The following BCR variants were observed in gnomAD, a reference collection of about 807,000 sequenced individuals.
The protein encoded by BCR is BCR activator of RhoGEF and GTPase.
A neutral mutation model predicts 138.6 loss-of-function variants in BCR; 58 were observed. The ratio of observed to expected loss-of-function variants is 0.42; its 90% CI spans 0.34 to 0.52. The LOEUF (loss-of-function observed/expected upper bound fraction) is 0.52. BCR is among the 20% of genes least tolerant of loss of function. The pLI, the probability that BCR is intolerant of heterozygous loss-of-function variation, is 0.06. For synonymous variants in BCR, 786 were observed against 730.1 expected (o/e 1.08, Z -1.23); for missense variants, 1,599 against 1,727.2 (o/e 0.93, Z 1.32).
intron 1 of BCR, among the ~76,000 whole-genome samples, chr22:23,247,870 A>G (rs2073173271): frequency 6.6e-6 from 1 of 152,210 alleles, no homozygotes; most frequent in Non-Finnish European, 1.5e-5. Context: ...AGGTTCATCC[A>G]TGAGATTGCA....
chr22:23,196,450 AG>A (rs2072483074), intron 1 of BCR, among the ~76,000 whole-genome samples: 1 of 152,112 alleles, frequency 6.6e-6, no homozygotes, highest in Non-Finnish European at 1.5e-5. Context: ...GAGGTTGTGG[AG>A]GGGAGGGTAT....
At chr22:23,247,757 C>T (rs1039441510) in intron 1 of BCR, among the ~76,000 whole-genome samples, 5 of 152,200 alleles carry the variant, frequency 3.3e-5, no homozygotes, top group African/African-American at 1.2e-4. Flanking sequence ...ACCGTTCCAC[C>T]TTCTGTCTCT....
At chr22:23,270,301 G>A (rs1356071082) in intron 5 of BCR, among the ~76,000 whole-genome samples, 1 of 152,134 alleles carries the variant, frequency 6.6e-6, no homozygotes, top group South Asian at 2.1e-4. Flanking sequence ...TCTCCAGACG[G>A]TAGGAATAGG....
intron 16 of BCR, chr22:23,307,681 C>T (rs131696): frequency 0.46 from 67,455 of 146,914 alleles, 13,602 homozygotes; most frequent in East Asian, 0.67. Context: ...GGAGACGTCC[C>T]GCCGCCCTTT....
rs201526307 is a variant in BCR at position 23,253,980 on chromosome 22, G to T, written c.1461G>T (p.Ala487=). The change falls in exon 2 of 23, where the codon GCG becomes GCT. Residue 487 remains alanine (A), a splice_region_variant and synonymous_variant. Transcript: ENST00000305877. ...CGGGAGCCCTGGAGTCCACTAAAGC[G>T]GTGAGTCCCCATGGTGTACGTGTGG... ...LVSGALESTK[A]SELDLEKGLE... 3 of 1,610,668 alleles carry T rather than the reference G, an allele frequency of 1.9e-6. No individual in the cohort carries two copies. The highest frequency in any genetic ancestry group is 2.2e-5 in the East Asian group (1 of 44,846).
At chr22:23,185,111 G>A (rs1159757079) in intron 1 of BCR, among the ~76,000 whole-genome samples, 1 of 152,150 alleles carries the variant, frequency 6.6e-6, no homozygotes, top group African/African-American at 2.4e-5. Flanking sequence ...CCCCTCATGG[G>A]CTCATCTGTC....
At chr22:23,277,711 AG>A (rs2073594972) in intron 8 of BCR, among the ~76,000 whole-genome samples, 1 of 152,208 alleles carries the variant, frequency 6.6e-6, no homozygotes, top group Non-Finnish European at 1.5e-5. Flanking sequence ...GGAGAGGCCC[AG>A]GTATGAGCCC....
rs556284103 is a variant in BCR at position 23,270,450 on chromosome 22, G to A, written c.1861-1082G>A. ...CATCACACTGTCCACGGACACGTGGGCCGCCTCCCAGGCTCTTGTGAGCCC... is the reference window on the plus strand; with the variant it reads ...CATCACACTGTCCACGGACACGTGGACCGCCTCCCAGGCTCTTGTGAGCCC... On this transcript the variant is annotated intron_variant, in intron 5 of 22. Transcript: ENST00000305877. 1.8e-4 allele frequency among the ~76,000 whole-genome samples: 28 copies of A among 152,314 alleles called. No homozygotes were observed. The South Asian group carries it at 5.6e-3, about 30-fold the overall frequency.
In BCR at chr22:23,180,523, G is replaced by C. The variant is rs1237569892; in HGVS notation, c.-438G>C. On this transcript the variant is annotated 5_prime_UTR_variant, in exon 1 of 23. Coordinates refer to ENST00000305877, the MANE Select transcript of BCR (RefSeq NM_004327.4). ...CTTCCTGCGGCGCAGAGTGCGGGCC[G>C]GGCGGGAGTGCGGCGAGAGCCGGCT... 4 of 180,780 alleles carry C rather than the reference G, an allele frequency of 2.2e-5. No individual in the cohort carries two copies. Among genetic ancestry groups the C allele is most frequent in the Non-Finnish European group, 4.5e-5 (4 of 89,332 alleles). The allele number at this position is 180,780 out of a possible 1,614,324, so 11.2% of individuals were successfully genotyped here.
Position 23,270,587 on chromosome 22 carries a change from CAGGAA to C in BCR, c.1861-941_1861-937del, listed in dbSNP as rs763749934. 3.3e-5 allele frequency among the ~76,000 whole-genome samples: 5 copies of C among 152,332 alleles called. No homozygotes were observed. In the East Asian group the frequency reaches 9.7e-4, roughly 29 times the overall value. On this transcript the variant is annotated intron_variant, in intron 5 of 22. Coordinates refer to ENST00000305877, the MANE Select transcript of BCR (RefSeq NM_004327.4). ...GTCACTGCGAGGGCTGTTAAACTCTCAGGAAAGGTACCAAAGTGCATGGCAGCGTT... is the reference window on the plus strand; with the variant it reads ...GTCACTGCGAGGGCTGTTAAACTCTCAGGTACCAAAGTGCATGGCAGCGTT...
intron 16 of BCR, among the ~76,000 whole-genome samples, chr22:23,300,911 A>T (rs2073895849): frequency 6.6e-6 from 1 of 152,264 alleles, no homozygotes; most frequent in South Asian, 2.1e-4. Flanking sequence ...GCCCAGCAAG[A>T]CACATAAATA....
chr22:23,216,316 C>T (rs182854657), intron 1 of BCR, among the ~76,000 whole-genome samples: 8 of 152,336 alleles, frequency 5.3e-5, no homozygotes, highest in South Asian at 2.1e-4. Flanking sequence ...TAACCTCAGA[C>T]GCAGTAATTC....
chr22:23,263,747 A>G (rs888735206), intron 4 of BCR: 8 of 1,433,044 alleles, frequency 5.6e-6, no homozygotes, highest in Non-Finnish European at 7.9e-6. Context: ...GTGGATTGCA[A>G]AGGGGGCATC....
Position 23,268,519 on chromosome 22 carries a change from A to G in BCR, c.1860+4A>G. The G allele has an allele frequency of 6.2e-7, 1 of 1,610,898 alleles. No homozygotes were observed. Among genetic ancestry groups the G allele is most frequent in the Non-Finnish European group, 8.5e-7 (1 of 1,177,694 alleles). ...TCAGTTTGCAGAAATCTCCGAGGTA[A>G]TGCCTTGATGCCGTTCAGACAGGTG... is the stretch of plus-strand genomic sequence containing the variant. On this transcript the variant is annotated splice_donor_region_variant and intron_variant, in intron 5 of 22. Coordinates refer to ENST00000305877, the MANE Select transcript of BCR (RefSeq NM_004327.4).
intron 1 of BCR, among the ~76,000 whole-genome samples, chr22:23,193,242 G>A (rs2072437793): frequency 1.3e-5 from 2 of 152,262 alleles, no homozygotes; most frequent in South Asian, 4.1e-4. Flanking sequence ...GGCAACATAT[G>A]TTGACAGTGC....
At chr22:23,295,874 T>C (rs1402002520) in intron 16 of BCR, among the ~76,000 whole-genome samples, 1 of 152,096 alleles carries the variant, frequency 6.6e-6, no homozygotes, top group Middle Eastern at 3.2e-3. Context: ...CGGGGGTAGC[T>C]GAGAGGAAGC....
chr22:23,294,884 G>A (rs1181001692), intron 15 of BCR, 140 bp from the exon 16 acceptor site: 2 of 1,106,566 alleles, frequency 1.8e-6, no homozygotes, highest in Non-Finnish European at 2.6e-6. Context: ...TGTGTCCCAG[G>A]ACTAAGGGAG....
chr22:23,218,488 C>G (rs890568580), intron 1 of BCR, among the ~76,000 whole-genome samples: 1 of 152,208 alleles, frequency 6.6e-6, no homozygotes, highest in African/African-American at 2.4e-5. Context: ...CACGGGGCCA[C>G]TGTGGGACCG....
At chr22:23,190,517 A>G (rs1739554930) in intron 1 of BCR, among the ~76,000 whole-genome samples, 1 of 152,220 alleles carries the variant, frequency 6.6e-6, no homozygotes, top group African/African-American at 2.4e-5. Context: ...TAAGGTGGGC[A>G]GTAAAGACCC....
Sources: gnomAD v4.1 joint callset for allele counts (sites outside exome capture counted in the v4.1 genomes callset) on GRCh38, gnomAD v4.1.1 for gene constraint, MANE v1.5 for transcripts, NCBI Gene and HGNC (gene_info 2026-07-23, HGNC 2026-07-21) for gene names.